The following TTC28 variants were observed in gnomAD, a reference collection of about 807,000 sequenced individuals.
The protein encoded by TTC28 is tetratricopeptide repeat domain 28.
TTC28 carries 61 observed loss-of-function variants against 198.0 expected under a neutral mutation model. The ratio of observed to expected loss-of-function variants is 0.31; its 90% CI spans 0.25 to 0.38. The LOEUF (loss-of-function observed/expected upper bound fraction) is 0.38, where lower values mean the gene tolerates loss of function less well. Among genes scored for constraint, TTC28 ranks in the 10% least tolerant of loss-of-function variants. TTC28 has a pLI of 1.00. For synonymous variants in TTC28, 1,171 were observed against 1,297.8 expected, an observed-to-expected ratio of 0.90 and a Z score of 2.10; for missense variants, 2,678 against 3,164.0, an observed-to-expected ratio of 0.85 and a Z score of 3.69.
At chr22:28,185,188 C>A (rs1305327709) in intron 5 of TTC28, among the ~76,000 whole-genome samples, 7 of 152,178 alleles carry the variant, frequency 4.6e-5, no homozygotes, top group Non-Finnish European at 1.0e-4. Flanking sequence ...TTTTTCCCTA[C>A]AGCTGCAAGA....
intron 2 of TTC28, among the ~76,000 whole-genome samples, chr22:28,449,803 G>A (rs1337025517): frequency 6.6e-6 from 1 of 152,164 alleles, no homozygotes; most frequent in Non-Finnish European, 1.5e-5. Context: ...GAATGAAGAG[G>A]CCTTGAATTA....
chr22:28,061,183 T>C (rs549602016), intron 12 of TTC28, among the ~76,000 whole-genome samples: 23 of 152,344 alleles, frequency 1.5e-4, no homozygotes, highest in African/African-American at 4.1e-4. Context: ...TTCACTCTGA[T>C]GGTAGTTTCT....
At chr22:28,222,762 A>G (rs890194162) in intron 5 of TTC28, among the ~76,000 whole-genome samples, 5 of 152,224 alleles carry the variant, frequency 3.3e-5, no homozygotes, top group East Asian at 1.9e-4. Context: ...TTCAAATCCA[A>G]TTGTTCATAC....
intron 2 of TTC28, among the ~76,000 whole-genome samples, chr22:28,365,278 A>G (rs2046229352): frequency 6.6e-6 from 1 of 152,268 alleles, no homozygotes; most frequent in South Asian, 2.1e-4. Flanking sequence ...ACTACATTAC[A>G]GTGTAAACAT....
intron 2 of TTC28, among the ~76,000 whole-genome samples, chr22:28,609,984 C>T (rs1029867881): frequency 3.3e-5 from 5 of 152,082 alleles, no homozygotes; most frequent in South Asian, 2.1e-4. Context: ...AGTTCAAACT[C>T]GGTATAGCCC....
At chr22:28,255,294 A>G (rs1197851499) in intron 5 of TTC28, among the ~76,000 whole-genome samples, 3 of 152,132 alleles carry the variant, frequency 2.0e-5, no homozygotes, top group Non-Finnish European at 4.4e-5. Flanking sequence ...TGCAAACACT[A>G]TTTTCAGCCC....
intron 3 of TTC28, among the ~76,000 whole-genome samples, chr22:28,306,095 G>A (rs1030947744): frequency 2.0e-5 from 3 of 151,978 alleles, no homozygotes; most frequent in African/African-American, 7.3e-5. Context: ...AGTATTTCTA[G>A]AAGGCATATA....
At chr22:28,352,900 A>G (rs1185685538) in intron 2 of TTC28, among the ~76,000 whole-genome samples, 1 of 152,178 alleles carries the variant, frequency 6.6e-6, no homozygotes, top group Non-Finnish European at 1.5e-5. Flanking sequence ...AAGAGAGGTA[A>G]TAAGGAGAAA....
In TTC28 at chr22:27,985,358, T is replaced by TAGA. The variant is rs777181202; in HGVS notation, c.5708-5_5708-3dup. ...GACCAACTTCACAGAGATCAAAACC[T>TAGA]AGAGGAACAAAGAATATAAGCATCT... is the stretch of plus-strand genomic sequence containing the variant. On this transcript the variant is annotated splice_region_variant and splice_polypyrimidine_tract_variant and intron_variant, in intron 21 of 22. Coordinates refer to ENST00000397906, the MANE Select transcript of TTC28 (RefSeq NM_001145418.2). 3.2e-6 allele frequency: 5 copies of TAGA among 1,548,914 alleles called. No individual in the cohort carries two copies. The highest frequency in any genetic ancestry group is 1.4e-5 in the African/African-American group (1 of 72,958).
chr22:27,983,904 G>T, intron 22 of TTC28, 53 bp from the exon 23 acceptor site: 1 of 1,491,098 alleles, frequency 6.7e-7, no homozygotes, highest in Non-Finnish European at 8.9e-7. Flanking sequence ...ATATGGTTTT[G>T]ATTTTTCTTT....
chr22:28,354,896 A>G (rs1339210716), intron 2 of TTC28, among the ~76,000 whole-genome samples: 1 of 151,746 alleles, frequency 6.6e-6, no homozygotes, highest in Non-Finnish European at 1.5e-5. Context: ...ATATGTATAC[A>G]TGTGCCATGC....
chr22:27,997,809 C>T (rs541133038), intron 16 of TTC28: 6 of 152,572 alleles, frequency 3.9e-5, no homozygotes, highest in African/African-American at 9.6e-5. Context: ...TTGGTTTGTA[C>T]TCTGTGAGTC....
Position 27,983,612 on chromosome 22 carries a change from C to A in TTC28, c.6055G>T (p.Gly2019Ter). The change falls in exon 23 of 23, where the codon GGA becomes TGA. Residue 2019 changes from glycine (G) to a stop codon, truncating the protein, a stop_gained. Transcript: ENST00000397906. LOFTEE classifies it low-confidence loss of function (END_TRUNC). The stretch of plus-strand genomic sequence containing the variant: ...TTGGACCGGTCATGGTCCTGCCGTC[C>A]TCCGGGGCCTCCACCCTCTGATCCA... ...EGGSEGGGPG[G>*]RQDHDRSKNA... 6.5e-7 allele frequency: 1 copy of A among 1,544,782 alleles called. No homozygotes were observed. The highest frequency in any genetic ancestry group is 8.7e-7 in the Non-Finnish European group (1 of 1,143,940).
At chr22:28,618,333 A>AT (rs1272401164) in intron 2 of TTC28, among the ~76,000 whole-genome samples, 1 of 152,076 alleles carries the variant, frequency 6.6e-6, no homozygotes. Flanking sequence ...TTTTGGAGTG[A>AT]TTTTTTATAG....
Position 28,105,648 on chromosome 22 carries a change from G to A in TTC28, c.2938C>T (p.Leu980Phe). The change falls in exon 8 of 23, where the codon CTT becomes TTT. Residue 980 changes from leucine to phenylalanine, a missense_variant. This residue lies in a region of TTC28 where 727 missense variants were observed against 861.9 expected (regional missense o/e 0.84). Transcript: ENST00000397906. Reference sequence around the variant, plus strand: ...CTAGCAATGTTCAGCTGGCGTTCAAGGCAGGAAATGGCTTGTTCGTAATTC... The same window carrying A: ...CTAGCAATGTTCAGCTGGCGTTCAAAGCAGGAAATGGCTTGTTCGTAATTC... The part of the protein sequence containing the change: ...LGNYEQAISC[L>F]ERQLNIARDM... The A allele has an allele frequency of 6.4e-7, 1 of 1,552,110 alleles. No homozygotes were observed.
At chr22:28,491,365 C>T (rs1481433471) in intron 2 of TTC28, among the ~76,000 whole-genome samples, 1 of 152,104 alleles carries the variant, frequency 6.6e-6, no homozygotes, top group Non-Finnish European at 1.5e-5. Flanking sequence ...ACTTATCTGA[C>T]AAAGGGCTAA....
chr22:28,402,474 T>C (rs2046930524), intron 2 of TTC28, among the ~76,000 whole-genome samples: 1 of 152,250 alleles, frequency 6.6e-6, no homozygotes, highest in Non-Finnish European at 1.5e-5. Context: ...ACATTGATCA[T>C]TACGTGTCAT....
intron 12 of TTC28, among the ~76,000 whole-genome samples, chr22:28,074,481 C>A (rs1247541299): frequency 6.6e-6 from 1 of 152,160 alleles, no homozygotes; most frequent in Non-Finnish European, 1.5e-5. Context: ...GCTTTGGGAC[C>A]ATGAATAAAG....
At chr22:28,444,380 A>G (rs542563729) in intron 2 of TTC28, among the ~76,000 whole-genome samples, 1 of 152,330 alleles carries the variant, frequency 6.6e-6, no homozygotes, top group East Asian at 1.9e-4. Flanking sequence ...ATCACTAACT[A>G]TATCAGTATA....
Sources: allele counts gnomAD v4.1 joint callset (sites outside exome capture counted in the v4.1 genomes callset), GRCh38; gene constraint gnomAD v4.1.1; regional missense constraint gnomAD v4.1.1; transcripts MANE v1.5; gene names NCBI Gene and HGNC (gene_info 2026-07-23, HGNC 2026-07-21).